The following ADGRB3 variants were observed in gnomAD, a reference collection of about 807,000 sequenced individuals.
ADGRB3 encodes the protein brain-specific angiogenesis inhibitor 3.
In ADGRB3, 37 loss-of-function variants were observed where a neutral mutation model predicts 193.4. The ratio of observed to expected loss-of-function variants is 0.19; its 90% CI spans 0.15 to 0.25. The LOEUF is 0.25. ADGRB3 is among the 10% of genes least tolerant of loss of function. ADGRB3 has a pLI of 1.00. For synonymous variants in ADGRB3, 690 were observed against 644.2 expected (o/e 1.07, Z -1.08); for missense variants, 1,637 against 1,852.9 (o/e 0.88, Z 2.14).
intron 8 of ADGRB3, among the ~76,000 whole-genome samples, chr6:68,972,989 G>A (rs1007159955): frequency 3.3e-5 from 5 of 152,204 alleles, no homozygotes; most frequent in Non-Finnish European, 1.5e-5. Context: ...GCTTATGAAA[G>A]TGGGGCTGGT....
intron 3 of ADGRB3, among the ~76,000 whole-genome samples, chr6:68,764,977 G>A (rs1766481863): frequency 6.6e-6 from 1 of 152,054 alleles, no homozygotes; most frequent in African/African-American, 2.4e-5. Flanking sequence ...ATTTTGATTT[G>A]GTAACTGCTG....
intron 30 of ADGRB3, among the ~76,000 whole-genome samples, chr6:69,374,808 T>A (rs933646403): frequency 7.2e-5 from 11 of 152,028 alleles, no homozygotes; most frequent in Non-Finnish European, 8.8e-5. Context: ...GGTGAAAAAT[T>A]GAATTATTTT....
At chr6:69,023,708 T>G (rs1770340064) in intron 13 of ADGRB3, among the ~76,000 whole-genome samples, 1 of 152,044 alleles carries the variant, frequency 6.6e-6, no homozygotes, top group Non-Finnish European at 1.5e-5. Flanking sequence ...ATAGAATTGA[T>G]TGAAGTTGGG....
At chr6:69,377,995 T>C (rs1769867449) in intron 30 of ADGRB3, among the ~76,000 whole-genome samples, 1 of 152,172 alleles carries the variant, frequency 6.6e-6, no homozygotes, top group East Asian at 1.9e-4. Flanking sequence ...ATAATGGCCT[T>C]CCATGTGGCA....
At chr6:68,773,591 G>C (rs188430473) in intron 3 of ADGRB3, among the ~76,000 whole-genome samples, 24 of 152,228 alleles carry the variant, frequency 1.6e-4, no homozygotes, top group Non-Finnish European at 3.2e-4. Context: ...AGAAATTTAT[G>C]CTCTCTCCAT....
chr6:68,855,663 TC>T (rs1180797095), intron 3 of ADGRB3, among the ~76,000 whole-genome samples: 2 of 152,110 alleles, frequency 1.3e-5, no homozygotes, highest in African/African-American at 4.8e-5. Flanking sequence ...CAATAGAAAA[TC>T]ATTAAATTAT....
At position 68,679,237 on chromosome 6, in the gene ADGRB3, C is replaced by CAA. The variant is rs1266029420; in HGVS notation, c.757+39806_757+39807dup. Among the ~76,000 whole-genome samples, 5 of 152,120 alleles carry CAA rather than the reference C, an allele frequency of 3.3e-5. No individual in the cohort carries two copies. In the East Asian group the frequency reaches 9.6e-4, roughly 29 times the overall value. On this transcript the variant is annotated intron_variant, in intron 3 of 31. Transcript: ENST00000370598. The stretch of plus-strand genomic sequence containing the variant: ...GCTGTAATAAACCCCAAACTGAACA[C>CAA]AATAGAACTTTATTTCTTGCTCATG...
chr6:68,673,704 C>G, intron 3 of ADGRB3, among the ~76,000 whole-genome samples: 1 of 151,992 alleles, frequency 6.6e-6, no homozygotes, highest in Middle Eastern at 3.4e-3. Context: ...ATTTCCCTGG[C>G]TTTTTTTTCA....
chr6:68,923,518 G>T (rs1050556839), intron 3 of ADGRB3, among the ~76,000 whole-genome samples: 1 of 151,848 alleles, frequency 6.6e-6, no homozygotes, highest in Non-Finnish European at 1.5e-5. Flanking sequence ...CATTTATTTT[G>T]TGCTAATAAT....
chr6:69,133,673 A>C (rs1373631215), intron 17 of ADGRB3, among the ~76,000 whole-genome samples: 1 of 92,008 alleles, frequency 1.1e-5, no homozygotes, highest in Non-Finnish European at 2.5e-5. Context: ...AAAAAAAGAA[A>C]ATTTCTTTTT....
chr6:69,193,312 CT>C (rs1218033807), intron 17 of ADGRB3, among the ~76,000 whole-genome samples: 1 of 152,098 alleles, frequency 6.6e-6, no homozygotes, highest in African/African-American at 2.4e-5. Flanking sequence ...ATGGCAGGTA[CT>C]TGTCAGCAAG....
chr6:69,210,752 C>T (rs1387689619), intron 17 of ADGRB3, among the ~76,000 whole-genome samples: 4 of 152,024 alleles, frequency 2.6e-5, no homozygotes, highest in Non-Finnish European at 5.9e-5. Flanking sequence ...TTTCAACATG[C>T]GTTTTGGAGG....
At chr6:68,963,678 G>A (rs1166910598) in intron 8 of ADGRB3, among the ~76,000 whole-genome samples, 1 of 152,108 alleles carries the variant, frequency 6.6e-6, no homozygotes, top group Admixed American at 6.6e-5. Context: ...CTCCCCTAAT[G>A]TCCCTGTCCC....
intron 3 of ADGRB3, among the ~76,000 whole-genome samples, chr6:68,780,773 G>GT: frequency 6.6e-6 from 1 of 151,952 alleles, no homozygotes; most frequent in Non-Finnish European, 1.5e-5. Flanking sequence ...TCTTCACCCA[G>GT]TTTCCCCCAA....
At chr6:69,195,101 A>C (rs1404468788) in intron 17 of ADGRB3, among the ~76,000 whole-genome samples, 1 of 152,188 alleles carries the variant, frequency 6.6e-6, no homozygotes, top group Non-Finnish European at 1.5e-5. Context: ...ATTCAAGGAC[A>C]AGCTACTTCA....
chr6:68,884,365 ACAT>A (rs894779663), intron 3 of ADGRB3, among the ~76,000 whole-genome samples: 2 of 152,220 alleles, frequency 1.3e-5, no homozygotes, highest in Non-Finnish European at 2.9e-5. Flanking sequence ...CGCTGCAAAG[ACAT>A]CATGGAGGGT....
At chr6:68,677,824 C>G (rs1769135779) in intron 3 of ADGRB3, among the ~76,000 whole-genome samples, 1 of 151,972 alleles carries the variant, frequency 6.6e-6, no homozygotes. Flanking sequence ...CCAGGCTGGT[C>G]TTGAACTTCT....
intron 26 of ADGRB3, among the ~76,000 whole-genome samples, chr6:69,354,017 C>T (rs976275580): frequency 1.3e-5 from 2 of 152,040 alleles, no homozygotes; most frequent in Non-Finnish European, 2.9e-5. Flanking sequence ...GAGGCAGGAT[C>T]GCACCATTGC....
chr6:68,854,441 G>A (rs1310949475), intron 3 of ADGRB3, among the ~76,000 whole-genome samples: 1 of 152,144 alleles, frequency 6.6e-6, no homozygotes, highest in East Asian at 1.9e-4. Context: ...TAATTAGCTA[G>A]ATTTAACCAT....
Sources: allele counts gnomAD v4.1 joint callset (sites outside exome capture counted in the v4.1 genomes callset), GRCh38; gene constraint gnomAD v4.1.1; transcripts MANE v1.5; gene names NCBI Gene and HGNC (gene_info 2026-07-23, HGNC 2026-07-21).